HOMER2: variants seen among roughly 807,000 people sequenced by gnomAD.
HOMER2 encodes the protein homer scaffold protein 2.
Under a neutral mutation model 47.0 loss-of-function variants are expected in HOMER2, and 27 were observed. The observed-to-expected ratio is 0.57, with a 90% CI of 0.42 to 0.79. HOMER2 has a LOEUF of 0.79. Ranked by LOEUF, HOMER2 falls within the 30% of genes least tolerant of loss-of-function variation. The pLI, the probability that HOMER2 is intolerant of heterozygous loss-of-function variation, is 0.00. For missense variants in HOMER2, 443 were observed against 435.0 expected (o/e 1.02, Z -0.16); for synonymous variants, 161 against 163.8 (o/e 0.98, Z 0.13).
intron 1 of HOMER2, among the ~76,000 whole-genome samples, chr15:82,971,477 G>C (rs2151257718): frequency 6.6e-6 from 1 of 152,180 alleles, no homozygotes; most frequent in South Asian, 2.1e-4. Context: ...AGGAGGCAGA[G>C]CTGCTAAGGG....
chr15:82,855,921 G>A (rs2051570410), intron 5 of HOMER2, among the ~76,000 whole-genome samples: 1 of 152,204 alleles, frequency 6.6e-6, no homozygotes, highest in Admixed American at 6.5e-5. Context: ...CGCTGAATGT[G>A]ACTGGAGGTG....
At chr15:82,953,628 C>T (rs1363570327), upstream of HOMER2, among the ~76,000 whole-genome samples, 1 of 152,184 alleles carries the variant, frequency 6.6e-6, no homozygotes, top group Non-Finnish European at 1.5e-5. Context: ...AATCCCAGCA[C>T]TTTGGGAGGC....
chr15:82,873,866 G>A (rs1455512587), intron 3 of HOMER2, among the ~76,000 whole-genome samples: 3 of 152,220 alleles, frequency 2.0e-5, no homozygotes, highest in East Asian at 3.8e-4. Context: ...GGATCTGTGC[G>A]CTGGGGACCT....
rs531815714 is a variant in HOMER2 at position 82,924,994 on chromosome 15, C to T, written c.5+27537G>A. On this transcript the variant is annotated intron_variant, in intron 1 of 8. Transcript: ENST00000450735. Reference sequence around the variant, plus strand: ...TCTCCCAGACCACCTCAGCCCTTTTCCTCTCCCCCTACCACTATGTTTAGG... The same window carrying T: ...TCTCCCAGACCACCTCAGCCCTTTTTCTCTCCCCCTACCACTATGTTTAGG... Among the ~76,000 whole-genome samples the T allele has an allele frequency of 1.9e-4, 29 of 152,176 alleles. 1 individual carries two copies. Among genetic ancestry groups the T allele is most frequent in the Non-Finnish European group, 3.1e-4 (21 of 68,032 alleles).
In HOMER2 at chr15:82,849,782, A is replaced by T; in HGVS notation, c.965T>A (p.Leu322Gln). 6.2e-7 allele frequency: 1 copy of T among 1,613,998 alleles called. No homozygotes were observed. The highest frequency in any genetic ancestry group is 8.5e-7 in the Non-Finnish European group (1 of 1,179,876). The change falls in exon 9 of 9, where the codon CTG (leucine) becomes CAG (glutamine). Residue 322 changes from leucine (L) to glutamine (Q), a missense_variant. Leu to Gln is a moderately radical substitution (Grantham distance 113). Transcript: ENST00000450735. ...KVELKSFLEV[L>Q]DGKIDDLHDF... Reference sequence around the variant, plus strand: ...ATGCAGGTCGTCAATCTTCCCGTCCAGCACCTCCAGGAAGCTCTTCAACTC... The same window carrying T: ...ATGCAGGTCGTCAATCTTCCCGTCCTGCACCTCCAGGAAGCTCTTCAACTC...
intron 1 of HOMER2, among the ~76,000 whole-genome samples, chr15:82,972,183 C>T (rs544822186): frequency 6.6e-6 from 1 of 152,276 alleles, no homozygotes; most frequent in African/African-American, 2.4e-5. Context: ...CCTTAATGCT[C>T]ATTTGTAGTC....
At chr15:82,911,454 A>G (rs2053453241) in intron 1 of HOMER2, among the ~76,000 whole-genome samples, 1 of 152,194 alleles carries the variant, frequency 6.6e-6, no homozygotes, top group African/African-American at 2.4e-5. Context: ...TAGGGGAAAA[A>G]AAGCTGTTTT....
chr15:82,961,334 G>T (rs908095516), intron 1 of HOMER2, among the ~76,000 whole-genome samples: 4 of 152,350 alleles, frequency 2.6e-5, no homozygotes, highest in East Asian at 1.9e-4. Flanking sequence ...CCCGTGCGCA[G>T]GTTGGGGGGT....
chr15:82,976,720 C>T (rs1187585747), intron 1 of HOMER2, among the ~76,000 whole-genome samples: 1 of 128,302 alleles, frequency 7.8e-6, no homozygotes, highest in Non-Finnish European at 1.6e-5. Context: ...GCTCTTGTTG[C>T]CCAGGCTGGA....
chr15:82,866,377 G>A (rs1343819362), intron 3 of HOMER2, among the ~76,000 whole-genome samples: 3 of 152,210 alleles, frequency 2.0e-5, no homozygotes, highest in Non-Finnish European at 4.4e-5. Flanking sequence ...TACCTAGGAA[G>A]TAACTTGTTT....
At position 82,952,588 on chromosome 15, in the gene HOMER2, C is replaced by T; in HGVS notation, c.-53G>A. The T allele has an allele frequency of 1.7e-6, 2 of 1,143,826 alleles. No homozygotes were observed. Among genetic ancestry groups the T allele is most frequent in the East Asian group, 4.3e-5 (1 of 23,366 alleles). 70.9% of individuals were successfully genotyped at this position (1,143,826 alleles called of 1,614,324 possible). A position where few individuals can be genotyped will look rare whatever the true frequency, so the allele number is the denominator to read the frequency against. On this transcript the variant is annotated 5_prime_UTR_variant, in exon 1 of 9. Coordinates refer to ENST00000450735, the MANE Select transcript of HOMER2 (RefSeq NM_004839.4). The stretch of plus-strand genomic sequence containing the variant: ...GACGGGGCCTCTCGCGCTCGCTCTC[C>T]GCCCGCTCGGCAGCCGCTCCCCGCG...
chr15:82,908,127 G>C (rs1031684060), intron 1 of HOMER2, among the ~76,000 whole-genome samples: 2 of 134,562 alleles, frequency 1.5e-5, no homozygotes, highest in African/African-American at 5.1e-5. Flanking sequence ...GGGAGTGACT[G>C]CTAATGGATT....
intron 1 of HOMER2, among the ~76,000 whole-genome samples, chr15:82,905,248 T>C (rs190093088): frequency 1.2e-3 from 180 of 149,940 alleles, no homozygotes; most frequent in African/African-American, 4.0e-3. Flanking sequence ...GTTCTGAAAC[T>C]TTCAAAACTA....
intron 1 of HOMER2, among the ~76,000 whole-genome samples, chr15:82,940,547 T>C (rs1269858250): frequency 6.6e-6 from 1 of 152,046 alleles, no homozygotes; most frequent in Non-Finnish European, 1.5e-5. Context: ...ATCGAGACCA[T>C]CCTGGCTAAC....
upstream of HOMER2, among the ~76,000 whole-genome samples, chr15:82,954,864 C>T (rs1170630452): frequency 4.6e-5 from 7 of 150,832 alleles, no homozygotes; most frequent in Admixed American, 3.3e-4. Flanking sequence ...CCACAACCTC[C>T]GCCTCCCAGG....
At chr15:82,976,974 C>CTG (rs1567080773) in intron 1 of HOMER2, among the ~76,000 whole-genome samples, 1 of 152,018 alleles carries the variant, frequency 6.6e-6, no homozygotes, top group Non-Finnish European at 1.5e-5. Flanking sequence ...CCGTGCCCAG[C>CTG]TGTGTTCCAC....
At chr15:82,895,603 T>A (rs2052883456) in intron 1 of HOMER2, among the ~76,000 whole-genome samples, 1 of 152,182 alleles carries the variant, frequency 6.6e-6, no homozygotes, top group South Asian at 2.1e-4. Flanking sequence ...TACAGAACAT[T>A]TGTTGAAGAA....
chr15:82,904,329 A>G (rs2053223597), intron 1 of HOMER2, among the ~76,000 whole-genome samples: 1 of 152,188 alleles, frequency 6.6e-6, no homozygotes, highest in Non-Finnish European at 1.5e-5. Flanking sequence ...AACCTGAACT[A>G]CAATTGGGGA....
intron 1 of HOMER2, among the ~76,000 whole-genome samples, chr15:82,909,315 A>G (rs1005535266): frequency 3.3e-5 from 5 of 152,208 alleles, no homozygotes; most frequent in African/African-American, 1.2e-4. Context: ...AGCACACTCG[A>G]CAAGGGAGGG....
Sources: gnomAD v4.1 joint callset for allele counts (sites outside exome capture counted in the v4.1 genomes callset) on GRCh38, gnomAD v4.1.1 for gene constraint, MANE v1.5 for transcripts, NCBI Gene and HGNC (gene_info 2026-07-23, HGNC 2026-07-21) for gene names.